The following NCOA2 variants were observed in gnomAD, a reference collection of about 807,000 sequenced individuals.
NCOA2 encodes nuclear receptor coactivator 2.
In NCOA2, 21 loss-of-function variants were observed where a neutral mutation model predicts 145.1. The ratio of observed to expected loss-of-function variants is 0.14; its 90% CI spans 0.10 to 0.21. NCOA2 has a LOEUF of 0.21. Ranked by LOEUF, NCOA2 falls within the 10% of genes least tolerant of loss-of-function variation. The pLI, the probability that NCOA2 is intolerant of heterozygous loss-of-function variation, is 1.00. For missense variants in NCOA2, 1,472 were observed against 1,837.6 expected, an observed-to-expected ratio of 0.80 and a Z score of 3.64; for synonymous variants, 619 against 637.5, an observed-to-expected ratio of 0.97 and a Z score of 0.44.
At chr8:70,399,967 T>G (rs1563848371) in intron 1 of NCOA2, among the ~76,000 whole-genome samples, 1 of 152,238 alleles carries the variant, frequency 6.6e-6, no homozygotes, top group South Asian at 2.1e-4. Context: ...ATGGAAGGAC[T>G]GCTCACAGAT....
intron 1 of NCOA2, among the ~76,000 whole-genome samples, chr8:70,336,575 A>G (rs1218771175): frequency 6.6e-6 from 1 of 151,676 alleles, no homozygotes; most frequent in Admixed American, 6.6e-5. Context: ...GAAGCAAGGC[A>G]CATCTTACAT....
rs1251004008 is a variant in NCOA2 at position 70,139,731 on chromosome 8, C to A, written c.3029-1399G>T. 2.1e-5 allele frequency among the ~76,000 whole-genome samples: 3 copies of A among 143,916 alleles called. No homozygotes were observed. In the East Asian group the frequency reaches 6.3e-4, roughly 30 times the overall value. The allele number at this position is 143,916 out of a possible 152,430, so 94.4% of individuals were successfully genotyped here. On this transcript the variant is annotated intron_variant, in intron 14 of 22. Transcript: ENST00000452400. ...GCAGTGTTGCAGTCACAGCTCACTG[C>A]AACCTCTGTCTCCCGGGTTCAAGCA...
At chr8:70,126,584 G>T (rs1018823351) in intron 19 of NCOA2, 1 of 570,254 alleles carries the variant, frequency 1.8e-6, no homozygotes, top group African/African-American at 1.9e-5. Flanking sequence ...AGTAAGACCT[G>T]CACTCAGAGA....
chr8:70,214,572 T>TTAG (rs1819394609), intron 3 of NCOA2, among the ~76,000 whole-genome samples: 4 of 152,166 alleles, frequency 2.6e-5, no homozygotes, highest in Admixed American at 1.3e-4. Context: ...CTTCAGAATG[T>TTAG]TAGTAAGCAA....
chr8:70,337,212 T>C (rs1807685295), intron 1 of NCOA2, among the ~76,000 whole-genome samples: 1 of 151,918 alleles, frequency 6.6e-6, no homozygotes, highest in Non-Finnish European at 1.5e-5. Context: ...TGTGTGTGTG[T>C]GTGTGTGTGT....
intron 11 of NCOA2, among the ~76,000 whole-genome samples, chr8:70,154,910 T>C (rs1396230722): frequency 6.6e-6 from 1 of 152,190 alleles, no homozygotes; most frequent in Non-Finnish European, 1.5e-5. Flanking sequence ...ATTATATGCC[T>C]GAAAATCACT....
At chr8:70,408,707 A>G (rs1048216294), upstream of NCOA2, among the ~76,000 whole-genome samples, 19 of 151,726 alleles carry the variant, frequency 1.3e-4, no homozygotes, top group African/African-American at 4.1e-4. Context: ...GCAGTGGCAC[A>G]ATTACAGCTC....
At chr8:70,276,006 A>G (rs989941269) in intron 2 of NCOA2, among the ~76,000 whole-genome samples, 8 of 152,192 alleles carry the variant, frequency 5.3e-5, no homozygotes, top group African/African-American at 9.6e-5. Context: ...TGACCTTTGA[A>G]AACATCTAGA....
At chr8:70,367,243 A>C (rs1162942025) in intron 1 of NCOA2, among the ~76,000 whole-genome samples, 1 of 152,204 alleles carries the variant, frequency 6.6e-6, no homozygotes. Flanking sequence ...TTCCTTCTAT[A>C]ATGCTGACCT....
chr8:70,305,481 G>A (rs1827816154), intron 1 of NCOA2, among the ~76,000 whole-genome samples: 1 of 152,114 alleles, frequency 6.6e-6, no homozygotes, highest in Non-Finnish European at 1.5e-5. Context: ...TCCTTAAAAA[G>A]GAAGACAGTA....
the NCOA2 span, among the ~76,000 whole-genome samples, chr8:70,439,204 G>A: frequency 4.6e-5 from 7 of 152,134 alleles, no homozygotes; most frequent in African/African-American, 1.7e-4. Flanking sequence ...TATATATGGA[G>A]TGCTACTATG....
At chr8:70,148,798 CA>C (rs775179933) in intron 11 of NCOA2, among the ~76,000 whole-genome samples, 87 of 152,138 alleles carry the variant, frequency 5.7e-4, no homozygotes, top group Admixed American at 2.0e-3. Context: ...GCTTATCATT[CA>C]ATTAATTATA....
intron 1 of NCOA2, among the ~76,000 whole-genome samples, chr8:70,381,168 T>C (rs556644633): frequency 1.9e-4 from 29 of 152,094 alleles, no homozygotes; most frequent in Non-Finnish European, 3.1e-4. Flanking sequence ...GATGACCGGT[T>C]CATGGGCGTT....
At chr8:70,451,759 T>C in the NCOA2 span, among the ~76,000 whole-genome samples, 1 of 152,196 alleles carries the variant, frequency 6.6e-6, no homozygotes, top group Non-Finnish European at 1.5e-5. Flanking sequence ...AGGTTGATCA[T>C]ATGTCCTGTT....
chr8:70,312,817 A>C (rs1388251702), intron 1 of NCOA2, among the ~76,000 whole-genome samples: 1 of 152,174 alleles, frequency 6.6e-6, no homozygotes, highest in Non-Finnish European at 1.5e-5. Context: ...CTATGGTAAA[A>C]AATCTTCTCG....
chr8:70,201,363 C>G (rs4645588), intron 4 of NCOA2, among the ~76,000 whole-genome samples: 136,073 of 152,222 alleles, frequency 0.89, 61,279 homozygotes, highest in African/African-American at 0.95. Context: ...GACTAGCAAT[C>G]ATAATCTCCA....
chr8:70,194,412 C>T (rs750401499), intron 4 of NCOA2, among the ~76,000 whole-genome samples: 22 of 152,058 alleles, frequency 1.4e-4, no homozygotes, highest in Non-Finnish European at 2.1e-4. Flanking sequence ...TGTTTTGCTC[C>T]CAACATACTT....
chr8:70,116,303 G>A (rs112499790), intron 22 of NCOA2, among the ~76,000 whole-genome samples: 7,505 of 151,718 alleles, frequency 0.049, 274 homozygotes, highest in East Asian at 0.17. Flanking sequence ...TGTAATCCCA[G>A]CACTTCGGGA....
At chr8:70,396,107 G>A (rs1033064262) in intron 1 of NCOA2, among the ~76,000 whole-genome samples, 1 of 152,130 alleles carries the variant, frequency 6.6e-6, no homozygotes, top group African/African-American at 2.4e-5. Context: ...TCAACACCTA[G>A]TCATCCATGC....
Sources: gnomAD v4.1 joint callset for allele counts (sites outside exome capture counted in the v4.1 genomes callset) on GRCh38, gnomAD v4.1.1 for gene constraint, MANE v1.5 for transcripts, NCBI Gene and HGNC (gene_info 2026-07-23, HGNC 2026-07-21) for gene names.